Variants in TSHR observed in about 807,000 individuals in gnomAD.
The protein encoded by TSHR is thyroid stimulating hormone receptor.
A neutral mutation model predicts 64.1 loss-of-function variants in TSHR; 51 were observed. The ratio of observed to expected loss-of-function variants is 0.80; its 90% CI spans 0.64 to 1.01. The LOEUF (loss-of-function observed/expected upper bound fraction) is 1.01, where lower values mean the gene tolerates loss of function less well. Ranked by LOEUF, TSHR falls within the 50% of genes least tolerant of loss-of-function variation. The probability of loss-of-function intolerance (pLI) is 0.00; values close to 1 mark genes in which losing one functional copy is unlikely to be tolerated. For synonymous variants in TSHR, 361 were observed against 361.9 expected (o/e 1.00, Z 0.03); for missense variants, 877 against 942.8 (o/e 0.93, Z 0.91).
intron 8 of TSHR, among the ~76,000 whole-genome samples, chr14:81,110,656 TTGC>T (rs1406244233): frequency 1.3e-5 from 2 of 152,238 alleles, no homozygotes; most frequent in East Asian, 3.8e-4. Context: ...CCAGATCACC[TTGC>T]AAAAACAACT....
intron 1 of TSHR, among the ~76,000 whole-genome samples, chr14:80,974,406 A>G (rs1318639208): frequency 6.6e-6 from 1 of 152,236 alleles, no homozygotes; most frequent in African/African-American, 2.4e-5. Flanking sequence ...CCAATAGAGC[A>G]CATAAATCTG....
intron 1 of TSHR, among the ~76,000 whole-genome samples, chr14:80,980,041 C>T (rs1294194957): frequency 1.3e-5 from 2 of 152,166 alleles, no homozygotes; most frequent in African/African-American, 4.8e-5. Context: ...CTTCTCTTTG[C>T]AGGCAGATCT....
At chr14:81,120,448 T>C (rs1002008723) in intron 8 of TSHR, among the ~76,000 whole-genome samples, 1 of 152,222 alleles carries the variant, frequency 6.6e-6, no homozygotes, top group Non-Finnish European at 1.5e-5. Flanking sequence ...CCATTATAAA[T>C]GGGATTGTTT....
intron 1 of TSHR, among the ~76,000 whole-genome samples, chr14:81,058,321 T>C (rs1885972505): frequency 6.6e-6 from 1 of 152,224 alleles, no homozygotes; most frequent in Admixed American, 6.5e-5. Flanking sequence ...CCAATGGTCA[T>C]TCTTGATTAA....
At position 81,144,668 on chromosome 14, in the gene TSHR, C is replaced by A; in HGVS notation, c.*315C>A. 1 of 394,738 alleles carries A rather than the reference C, an allele frequency of 2.5e-6. No individual in the cohort carries two copies. The highest frequency in any genetic ancestry group is 4.1e-5 in the East Asian group (1 of 24,360). The allele number at this position is 394,738 out of a possible 1,614,324, so 24.5% of individuals were successfully genotyped here. ...GTGTAGGATGTTCAGTAAATATTAA[C>A]TGAGCTATGTCAATATAGAGCTTCT... On this transcript the variant is annotated 3_prime_UTR_variant, in exon 10 of 10. Coordinates refer to ENST00000298171, the MANE Select transcript of TSHR (RefSeq NM_000369.5).
chr14:81,019,635 G>C (rs1297600200), intron 1 of TSHR, among the ~76,000 whole-genome samples: 2 of 151,502 alleles, frequency 1.3e-5, no homozygotes, highest in Non-Finnish European at 2.9e-5. Context: ...ACAGGCCCCG[G>C]TGTGTGATGT....
intron 1 of TSHR, among the ~76,000 whole-genome samples, chr14:81,004,214 C>A (rs143312805): frequency 6.6e-6 from 1 of 152,152 alleles, no homozygotes; most frequent in Non-Finnish European, 1.5e-5. Flanking sequence ...CTCCCGACCC[C>A]GGTGGGTCAA....
At chr14:81,024,587 G>T (rs770593346) in intron 1 of TSHR, among the ~76,000 whole-genome samples, 1 of 152,096 alleles carries the variant, frequency 6.6e-6, no homozygotes, top group Admixed American at 6.6e-5. Context: ...CGACATAAAA[G>T]CTCCATTTTC....
chr14:81,050,253 T>C (rs538749712), intron 1 of TSHR: 1 of 152,312 alleles, frequency 6.6e-6, no homozygotes, highest in South Asian at 2.1e-4. Flanking sequence ...AACCGGTCTA[T>C]GTCCAGGAGA....
chr14:80,958,144 A>G (rs950674338), intron 1 of TSHR: 5 of 151,854 alleles, frequency 3.3e-5, no homozygotes, highest in Admixed American at 2.6e-4. Context: ...GAAGTAAAAC[A>G]TGTAAAGCTA....
chr14:80,986,375 A>C (rs1888447162), intron 1 of TSHR, among the ~76,000 whole-genome samples: 1 of 152,204 alleles, frequency 6.6e-6, no homozygotes, highest in African/African-American at 2.4e-5. Context: ...ATTAGACATC[A>C]GTTTCTCCAG....
At chr14:80,976,976 G>A (rs1174124050) in intron 1 of TSHR, among the ~76,000 whole-genome samples, 1 of 152,274 alleles carries the variant, frequency 6.6e-6, no homozygotes, top group Non-Finnish European at 1.5e-5. Flanking sequence ...ATGCCATGAT[G>A]TAGGCAATTG....
rs1888840432 is a variant in TSHR, at chr14:81,092,628, C to T, written c.545+20C>T. On this transcript the variant is annotated intron_variant, in intron 6 of 9. Coordinates refer to ENST00000298171, the MANE Select transcript of TSHR (RefSeq NM_000369.5). Reference sequence around the variant, plus strand: ...GACACTGTGAGTATTACCAGTTCTACTCCCTCCATCAACTAAATTCTATTT... The same window carrying T: ...GACACTGTGAGTATTACCAGTTCTATTCCCTCCATCAACTAAATTCTATTT... 6.2e-7 allele frequency: 1 copy of T among 1,606,088 alleles called. No homozygotes were observed. Among genetic ancestry groups the T allele is most frequent in the African/African-American group, 1.3e-5 (1 of 74,634 alleles).
At position 80,971,025 on chromosome 14, in the gene TSHR, G is replaced by A. The variant is rs547868764; in HGVS notation, c.170+15175G>A. 6.6e-4 allele frequency among the ~76,000 whole-genome samples: 101 copies of A among 152,202 alleles called. 2 individuals are homozygous for A. Among genetic ancestry groups the A allele is most frequent in the Middle Eastern group, 3.4e-3 (1 of 294 alleles). On this transcript the variant is annotated intron_variant, in intron 1 of 9. Transcript: ENST00000298171. ...TAATTTTTGTATTTTTAGTAGAGAC[G>A]GGTGGCCAGGTTGGTCTTGAACTCC...
chr14:81,140,888 G>A (rs1011477179), intron 9 of TSHR, among the ~76,000 whole-genome samples: 1 of 152,194 alleles, frequency 6.6e-6, no homozygotes, highest in Admixed American at 6.5e-5. Flanking sequence ...GGGAGGCTGA[G>A]ATGGCCAGAT....
At chr14:80,956,621 T>C (rs1292333739) in intron 1 of TSHR, among the ~76,000 whole-genome samples, 1 of 152,050 alleles carries the variant, frequency 6.6e-6, no homozygotes, top group Non-Finnish European at 1.5e-5. Flanking sequence ...CTTGATTAGT[T>C]AAAAAGAGAA....
chr14:81,042,461 A>G (rs909297961), intron 1 of TSHR, among the ~76,000 whole-genome samples: 1 of 152,236 alleles, frequency 6.6e-6, no homozygotes, highest in African/African-American at 2.4e-5. Flanking sequence ...GCCATAAAAA[A>G]TGAAGGAAAT....
intron 3 of TSHR, among the ~76,000 whole-genome samples, chr14:81,078,425 C>G (rs544036261): frequency 1.3e-5 from 2 of 152,234 alleles, no homozygotes; most frequent in African/African-American, 4.8e-5. Flanking sequence ...TTTTTCCCCT[C>G]TGGTTACTTG....
chr14:81,134,843 G>A (rs1891390986), intron 8 of TSHR, among the ~76,000 whole-genome samples: 1 of 152,088 alleles, frequency 6.6e-6, no homozygotes, highest in African/African-American at 2.4e-5. Context: ...CAGATTGAAG[G>A]GGCCTGTCTT....
Sources: allele counts gnomAD v4.1 joint callset (sites outside exome capture counted in the v4.1 genomes callset), GRCh38; gene constraint gnomAD v4.1.1; transcripts MANE v1.5; gene names NCBI Gene and HGNC (gene_info 2026-07-23, HGNC 2026-07-21).